Variants in SRGAP2 observed in about 807,000 individuals in gnomAD.
SRGAP2 encodes SLIT-ROBO Rho GTPase activating protein 2, also known as SLIT-ROBO Rho GTPase-activating protein 2.
Under a neutral mutation model 57.2 loss-of-function variants are expected in SRGAP2, and 15 were observed. The ratio of observed to expected loss-of-function variants is 0.26; its 90% confidence interval spans 0.18 to 0.40. SRGAP2 has a LOEUF of 0.40. SRGAP2 is among the 10% of genes least tolerant of loss of function. The pLI is 1.00. For synonymous variants in SRGAP2, 249 were observed against 248.0 expected, an observed-to-expected ratio of 1.00 and a Z score of -0.04; for missense variants, 520 against 669.6, an observed-to-expected ratio of 0.78 and a Z score of 2.47.
intron 8 of SRGAP2, among the ~76,000 whole-genome samples, chr1:206,402,630 G>A (rs533925926): frequency 4.6e-5 from 7 of 152,136 alleles, no homozygotes; most frequent in African/African-American, 1.4e-4. Context: ...CTTCCTGTGT[G>A]TTAACTCCAT....
At chr1:206,253,805 G>A (rs1669006223) in intron 2 of SRGAP2, among the ~76,000 whole-genome samples, 1 of 150,022 alleles carries the variant, frequency 6.7e-6, no homozygotes, top group Non-Finnish European at 1.5e-5. Context: ...GGATGGTATC[G>A]ATCCTTTTTT....
rs1206555740 is a variant in SRGAP2, at chr1:206,291,315, C to T, written c.68-11966C>T. On this transcript the variant is annotated intron_variant, in intron 2 of 22. Coordinates refer to ENST00000573034, the MANE Select transcript of SRGAP2 (RefSeq NM_015326.5). ...ATCTCTCTGAACCTCAGTGGTCCCT[C>T]GTTGTGAAATGGGAGGAATTGTGGT... 7.2e-5 allele frequency among the ~76,000 whole-genome samples: 11 copies of T among 152,276 alleles called. No homozygotes were observed. The East Asian group carries it at 1.9e-3, about 27-fold the overall frequency.
At chr1:206,360,267 C>A (rs549130816) in intron 4 of SRGAP2, among the ~76,000 whole-genome samples, 21 of 147,608 alleles carry the variant, frequency 1.4e-4, no homozygotes, top group Non-Finnish European at 1.6e-4. Context: ...GATGGGAATG[C>A]GCTTATCTGG....
intron 13 of SRGAP2, among the ~76,000 whole-genome samples, chr1:206,426,593 C>A (rs1553366401): frequency 6.6e-6 from 1 of 152,210 alleles, no homozygotes; most frequent in Non-Finnish European, 1.5e-5. Flanking sequence ...ATATTCCTGC[C>A]AGCAGTGTAC....
At chr1:206,460,421 C>A (rs3849277) in intron 22 of SRGAP2, among the ~76,000 whole-genome samples, 1 of 151,820 alleles carries the variant, frequency 6.6e-6, no homozygotes. Flanking sequence ...TCTTTTGTCC[C>A]CTTGGTGGTG....
intron 2 of SRGAP2, among the ~76,000 whole-genome samples, chr1:206,221,115 A>T (rs1571599969): frequency 6.8e-6 from 1 of 146,672 alleles, no homozygotes; most frequent in African/African-American, 2.6e-5. Flanking sequence ...CTAATTTTTA[A>T]ATTTTTAGTA....
At chr1:206,303,496 T>A in intron 3 of SRGAP2, 23 bp downstream of exon 3, 2 of 1,329,556 alleles carry the variant, frequency 1.5e-6, no homozygotes, top group Admixed American at 5.8e-5. Flanking sequence ...TGGCTATTAC[T>A]CTCTGAGACC....
intron 4 of SRGAP2, among the ~76,000 whole-genome samples, chr1:206,365,432 T>C (rs1447313824): frequency 6.6e-6 from 1 of 152,242 alleles, no homozygotes; most frequent in African/African-American, 2.4e-5. Context: ...AGGCAGATGA[T>C]GGAAGGAATG....
chr1:206,375,392 A>G (rs1168900270), intron 4 of SRGAP2, among the ~76,000 whole-genome samples: 1 of 151,914 alleles, frequency 6.6e-6, no homozygotes, highest in African/African-American at 2.4e-5. Flanking sequence ...AATGACCTCA[A>G]GAAATGCTTT....
chr1:206,445,189 TG>T (rs782655609), intron 17 of SRGAP2, among the ~76,000 whole-genome samples: 4 of 152,136 alleles, frequency 2.6e-5, no homozygotes, highest in Non-Finnish European at 4.4e-5. Context: ...CAGGCTGTGT[TG>T]GGGAGGTATC....
intron 22 of SRGAP2, among the ~76,000 whole-genome samples, chr1:206,460,595 C>T (rs914787457): frequency 6.6e-6 from 1 of 152,118 alleles, no homozygotes; most frequent in Admixed American, 6.5e-5. Context: ...GATCATACAT[C>T]ATCTCTACCA....
intron 2 of SRGAP2, among the ~76,000 whole-genome samples, chr1:206,227,392 T>A (rs1432380418): frequency 6.6e-6 from 1 of 152,282 alleles, no homozygotes; most frequent in African/African-American, 2.4e-5. Flanking sequence ...TTCACAGATG[T>A]CTTCTCAACT....
chr1:206,298,745 T>TA (rs1326609518), intron 2 of SRGAP2, among the ~76,000 whole-genome samples: 3 of 152,218 alleles, frequency 2.0e-5, no homozygotes, highest in African/African-American at 4.8e-5. Context: ...GTGTCATTTT[T>TA]AAAAAAACAT....
chr1:206,378,579 C>G (rs554378810), intron 4 of SRGAP2, among the ~76,000 whole-genome samples: 1 of 152,216 alleles, frequency 6.6e-6, no homozygotes, highest in East Asian at 1.9e-4. Context: ...TGGACTTCCT[C>G]GGTGGAGTGG....
chr1:206,346,837 A>AT, intron 4 of SRGAP2, among the ~76,000 whole-genome samples: 1 of 152,244 alleles, frequency 6.6e-6, no homozygotes, highest in Non-Finnish European at 1.5e-5. Flanking sequence ...TGTGCCAGGT[A>AT]TTGTGTTAAG....
In SRGAP2 at chr1:206,446,331, G is replaced by A. The variant is rs782516667; in HGVS notation, c.2099+32G>A. On this transcript the variant is annotated intron_variant, in intron 18 of 22. Coordinates refer to ENST00000573034, the MANE Select transcript of SRGAP2 (RefSeq NM_015326.5). Reference sequence around the variant, plus strand: ...GGGCTTGGGACGGGAGGAGGGGAGGGATTCACTAGCACACACTGGCATGGG... The same window carrying A: ...GGGCTTGGGACGGGAGGAGGGGAGGAATTCACTAGCACACACTGGCATGGG... 7.7e-6 allele frequency: 6 copies of A among 779,124 alleles called. No homozygotes were observed. In the African/African-American group the frequency reaches 1.0e-4, roughly 13 times the overall value. The allele number at this position is 779,124 out of a possible 1,614,324, so 48.3% of individuals were successfully genotyped here. A position where few individuals can be genotyped will look rare whatever the true frequency, so the allele number is the denominator to read the frequency against.
chr1:206,241,874 TTTA>T (rs1423734649), intron 2 of SRGAP2, among the ~76,000 whole-genome samples: 10 of 151,196 alleles, frequency 6.6e-5, no homozygotes, highest in African/African-American at 2.0e-4. Context: ...AAATTACTTT[TTTA>T]TTATTATTAT....
chr1:206,418,886 CTCTGTGTGTG>C lies in SRGAP2; in HGVS notation c.1442-485_1442-476del, dbSNP rs1225884809. 7.5e-3 allele frequency among the ~76,000 whole-genome samples: 808 copies of C among 107,388 alleles called. 10 individuals are homozygous for C. The highest frequency in any genetic ancestry group is 0.036 in the African/African-American group (766 of 21,254). 70.5% of individuals were successfully genotyped at this position (107,388 alleles called of 152,430 possible). On this transcript the variant is annotated intron_variant, in intron 11 of 22. Transcript: ENST00000573034. ...TCTTGTTCTCTCAGCCTCCAACTCT[CTCTGTGTGTG>C]TGTGTGTGTGTGTGTGTGTGTGTGT...
At chr1:206,314,121 T>C (rs1553325254) in intron 3 of SRGAP2, among the ~76,000 whole-genome samples, 1 of 150,482 alleles carries the variant, frequency 6.6e-6, no homozygotes, top group African/African-American at 2.5e-5. Context: ...TTTTTTTTGT[T>C]GTTGTTGTTG....
Sources: gnomAD v4.1 joint callset for allele counts (sites outside exome capture counted in the v4.1 genomes callset) on GRCh38, gnomAD v4.1.1 for gene constraint, MANE v1.5 for transcripts, NCBI Gene and HGNC (gene_info 2026-07-23, HGNC 2026-07-21) for gene names.